The following SSBP2 variants were observed in gnomAD, a reference collection of about 807,000 sequenced individuals.
The protein encoded by SSBP2 is single stranded DNA binding protein 2, also known as single-stranded DNA-binding protein 2.
A neutral mutation model predicts 61.8 loss-of-function variants in SSBP2; 17 were observed. The ratio of observed to expected loss-of-function variants is 0.28; its 90% CI spans 0.19 to 0.41. The LOEUF (loss-of-function observed/expected upper bound fraction) is 0.41. Among genes scored for constraint, SSBP2 ranks in the 10% least tolerant of loss-of-function variants. The probability of loss-of-function intolerance (pLI) is 1.00; values close to 1 mark genes in which losing one functional copy is unlikely to be tolerated. For missense variants in SSBP2, 310 were observed against 458.7 expected, an observed-to-expected ratio of 0.68 and a Z score of 2.96; for synonymous variants, 139 against 141.3, an observed-to-expected ratio of 0.98 and a Z score of 0.12.
chr5:81,512,628 T>A lies in SSBP2; in HGVS notation c.372+1000A>T, dbSNP rs1035026611. On this transcript the variant is annotated intron_variant, in intron 5 of 16. Coordinates refer to ENST00000320672, the MANE Select transcript of SSBP2 (RefSeq NM_012446.5). ...CATGTCCTAAAGGACTAGAGTTGGATCTCTGCTTTAATTAAGACCTTTTAT... is the reference window on the plus strand; with the variant it reads ...CATGTCCTAAAGGACTAGAGTTGGAACTCTGCTTTAATTAAGACCTTTTAT... 7.2e-5 allele frequency among the ~76,000 whole-genome samples: 11 copies of A among 152,146 alleles called. 1 individual carries two copies. Among genetic ancestry groups the A allele is most frequent in the African/African-American group, 2.7e-4 (11 of 41,448 alleles).
intron 1 of SSBP2, among the ~76,000 whole-genome samples, chr5:81,685,780 T>C (rs968665972): frequency 6.6e-6 from 1 of 152,192 alleles, no homozygotes; most frequent in African/African-American, 2.4e-5. Flanking sequence ...AGGGCACTTT[T>C]AGCCACTGGG....
intron 2 of SSBP2, among the ~76,000 whole-genome samples, chr5:81,644,187 C>T (rs968572974): frequency 6.6e-6 from 1 of 152,154 alleles, no homozygotes; most frequent in African/African-American, 2.4e-5. Context: ...TTGAGTAGTG[C>T]TGCTTTCTTT....
At chr5:81,635,489 T>C (rs1489865878) in intron 3 of SSBP2, among the ~76,000 whole-genome samples, 1 of 152,062 alleles carries the variant, frequency 6.6e-6, no homozygotes, top group Non-Finnish European at 1.5e-5. Context: ...AAAGTGAGGG[T>C]TTGAAGAAGC....
chr5:81,750,880 TC>T, intron 1 of SSBP2, 100 bp downstream of exon 1: 2 of 1,209,206 alleles, frequency 1.7e-6, no homozygotes, highest in Non-Finnish European at 2.3e-6. Flanking sequence ...CCCCCGGCGC[TC>T]CCCGGGCGGA....
At chr5:81,722,401 T>TTG (rs1221617288) in intron 1 of SSBP2, among the ~76,000 whole-genome samples, 6 of 151,606 alleles carry the variant, frequency 4.0e-5, no homozygotes, top group Admixed American at 1.3e-4. Flanking sequence ...AATTTTGTTT[T>TTG]TTTTTTTTTT....
intron 4 of SSBP2, among the ~76,000 whole-genome samples, chr5:81,572,665 G>A (rs987124140): frequency 1.3e-5 from 2 of 152,138 alleles, no homozygotes; most frequent in African/African-American, 2.4e-5. Context: ...TTTAACAGAG[G>A]TAAAGTAATT....
intron 1 of SSBP2, among the ~76,000 whole-genome samples, chr5:81,678,256 T>TA (rs368934592): frequency 5.1e-4 from 78 of 151,910 alleles, no homozygotes; most frequent in African/African-American, 1.2e-3. Flanking sequence ...ATAAACACTG[T>TA]AAAAAAAATG....
chr5:81,575,338 G>A (rs73135608), intron 4 of SSBP2, among the ~76,000 whole-genome samples: 7,932 of 152,262 alleles, frequency 0.052, 382 homozygotes, highest in African/African-American at 0.12. Context: ...ATGATGGCTC[G>A]TGGAGTTTAA....
intron 1 of SSBP2, among the ~76,000 whole-genome samples, chr5:81,664,870 T>C (rs1371140882): frequency 6.6e-6 from 1 of 152,160 alleles, no homozygotes; most frequent in East Asian, 1.9e-4. Context: ...AAAGATCAGA[T>C]AGTTGTAGCA....
intron 6 of SSBP2, among the ~76,000 whole-genome samples, chr5:81,483,054 C>T (rs1210381851): frequency 1.3e-5 from 2 of 152,016 alleles, no homozygotes; most frequent in Non-Finnish European, 2.9e-5. Context: ...AGTGGCTGGT[C>T]GGTGGAGCAG....
intron 4 of SSBP2, among the ~76,000 whole-genome samples, chr5:81,611,656 A>G (rs1414889908): frequency 6.6e-6 from 1 of 152,152 alleles, no homozygotes; most frequent in African/African-American, 2.4e-5. Flanking sequence ...AGATCTTTCC[A>G]TTATCATCTT....
At chr5:81,571,901 C>G (rs748549916) in intron 4 of SSBP2, among the ~76,000 whole-genome samples, 1 of 152,172 alleles carries the variant, frequency 6.6e-6, no homozygotes, top group East Asian at 1.9e-4. Flanking sequence ...TTTTAAATAA[C>G]CATGGAAATC....
intron 1 of SSBP2, among the ~76,000 whole-genome samples, chr5:81,678,566 A>G (rs1051917574): frequency 1.3e-5 from 2 of 152,124 alleles, no homozygotes; most frequent in African/African-American, 4.8e-5. Context: ...AAATCTAGGA[A>G]GCTCAGAGAA....
intron 1 of SSBP2, among the ~76,000 whole-genome samples, chr5:81,731,570 G>T (rs1450858135): frequency 3.3e-5 from 5 of 152,032 alleles, no homozygotes; most frequent in Admixed American, 3.3e-4. Context: ...ATACAAAGTC[G>T]ATTACCTTAC....
At chr5:81,626,657 C>T (rs889005076) in intron 3 of SSBP2, among the ~76,000 whole-genome samples, 5 of 152,154 alleles carry the variant, frequency 3.3e-5, no homozygotes, top group African/African-American at 4.8e-5. Flanking sequence ...CATGCACCAA[C>T]TCATTTCCTG....
chr5:81,485,520 T>C (rs781461635), intron 6 of SSBP2, among the ~76,000 whole-genome samples: 1 of 152,210 alleles, frequency 6.6e-6, no homozygotes, highest in Non-Finnish European at 1.5e-5. Flanking sequence ...AGATGTCTTT[T>C]ACATATTCAA....
intron 1 of SSBP2, among the ~76,000 whole-genome samples, chr5:81,741,474 A>G (rs1361363576): frequency 2.0e-5 from 3 of 152,212 alleles, no homozygotes; most frequent in African/African-American, 7.2e-5. Flanking sequence ...AAAGTGGTTA[A>G]AATGGTAAAT....
At chr5:81,462,987 T>G (rs1657241865) in intron 9 of SSBP2, among the ~76,000 whole-genome samples, 1 of 152,006 alleles carries the variant, frequency 6.6e-6, no homozygotes, top group South Asian at 2.1e-4. Flanking sequence ...AACCTAAATG[T>G]TAAAATAATT....
intron 2 of SSBP2, 102 bp from the exon 3 acceptor site, chr5:81,636,720 A>T: frequency 1.1e-6 from 1 of 899,818 alleles, no homozygotes; most frequent in Non-Finnish European, 1.6e-6. Context: ...TAATATTTGA[A>T]TTTTTCATCA....
Sources: gnomAD v4.1 joint callset for allele counts (sites outside exome capture counted in the v4.1 genomes callset) on GRCh38, gnomAD v4.1.1 for gene constraint, MANE v1.5 for transcripts, NCBI Gene and HGNC (gene_info 2026-07-23, HGNC 2026-07-21) for gene names.